Variants in EIF2B3 observed in about 807,000 individuals in gnomAD.
EIF2B3 encodes the protein eukaryotic translation initiation factor 2B subunit gamma, also known as translation initiation factor eIF2B subunit gamma.
Under a neutral mutation model 54.1 loss-of-function variants are expected in EIF2B3, and 20 were observed. The ratio of observed to expected loss-of-function variants is 0.37; its 90% CI spans 0.26 to 0.54. The LOEUF (loss-of-function observed/expected upper bound fraction) is 0.54. EIF2B3 is among the 20% of genes least tolerant of loss of function. The probability of loss-of-function intolerance (pLI) is 0.86; values close to 1 mark genes in which losing one functional copy is unlikely to be tolerated. For missense variants in EIF2B3, 448 were observed against 547.8 expected (o/e 0.82, Z 1.82); for synonymous variants, 153 against 188.1 (o/e 0.81, Z 1.52).
intron 3 of EIF2B3, among the ~76,000 whole-genome samples, chr1:44,946,031 C>T (rs963408862): frequency 2.6e-5 from 4 of 152,176 alleles, no homozygotes; most frequent in African/African-American, 9.6e-5. Flanking sequence ...TCTGTCAGTA[C>T]AGTGAATGCC....
intron 5 of EIF2B3, among the ~76,000 whole-genome samples, chr1:44,921,904 A>T (rs1299946342): frequency 3.3e-5 from 5 of 149,508 alleles, no homozygotes; most frequent in African/African-American, 7.4e-5. Context: ...ATATTTTTTT[A>T]TTTTATTTTA....
intron 3 of EIF2B3, among the ~76,000 whole-genome samples, chr1:44,963,231 CA>C (rs113853826): frequency 1.4e-5 from 2 of 147,266 alleles, no homozygotes; most frequent in Non-Finnish European, 3.0e-5. Context: ...AAAACAAAAA[CA>C]AAAAAAACAA....
At chr1:44,933,333 A>G (rs1383092908) in intron 4 of EIF2B3, among the ~76,000 whole-genome samples, 2 of 152,216 alleles carry the variant, frequency 1.3e-5, no homozygotes, top group African/African-American at 2.4e-5. Flanking sequence ...ATATTAGGAA[A>G]TTGGGCCAAA....
rs1468869784 is a variant in EIF2B3, at chr1:44,877,212, A to C, written c.976-1517T>G. On this transcript the variant is annotated intron_variant, in intron 8 of 11. Coordinates refer to ENST00000360403, the MANE Select transcript of EIF2B3 (RefSeq NM_020365.5). ...ATCAATAAAAAAAAAAAAAAAAAAA[A>C]AAAAAAAAAACACCTTAGGTAGAAC... 4.7e-4 allele frequency among the ~76,000 whole-genome samples: 69 copies of C among 148,156 alleles called. 1 individual carries two copies. Among genetic ancestry groups the C allele is most frequent in the African/African-American group, 1.7e-4 (7 of 40,220 alleles).
chr1:44,984,795 A>ATGTTTTTTTTTTTTTTTTTTTTTT (rs1557718636), intron 1 of EIF2B3, among the ~76,000 whole-genome samples: 1 of 80,470 alleles, frequency 1.2e-5, no homozygotes, highest in Admixed American at 1.3e-4. Flanking sequence ...AATAATGTCC[A>ATGTTTTTTTTTTTTTTTTTTTTTT]TCTTTTTTTT....
Position 44,881,877 on chromosome 1 carries a change from T to G in EIF2B3, c.657-138A>C, listed in dbSNP as rs1045949501. 5.8e-6 allele frequency: 7 copies of G among 1,201,612 alleles called. No homozygotes were observed. Among genetic ancestry groups the G allele is most frequent in the Non-Finnish European group, 7.1e-6 (6 of 841,632 alleles). 74.4% of individuals were successfully genotyped at this position (1,201,612 alleles called of 1,614,324 possible). A position where few individuals can be genotyped will look rare whatever the true frequency, so the allele number is the denominator to read the frequency against. On this transcript the variant is annotated intron_variant, in intron 6 of 11. Transcript: ENST00000360403. This position sits in a 1 kb window ranked among gnomAD's most constrained non-coding sequence, Gnocchi z 4.0. ...GGACTGTCAGAGATCAAATGTGGCA[T>G]TGACTTGGCAGTTCGGAGAAGCAGA... is the stretch of plus-strand genomic sequence containing the variant.
intron 5 of EIF2B3, among the ~76,000 whole-genome samples, chr1:44,908,102 A>G (rs1643449407): frequency 6.6e-6 from 1 of 152,176 alleles, no homozygotes; most frequent in African/African-American, 2.4e-5. Flanking sequence ...CACAAGATTA[A>G]GAAGTCTCAG....
intron 3 of EIF2B3, among the ~76,000 whole-genome samples, chr1:44,958,399 C>T (rs761020914): frequency 6.6e-6 from 1 of 152,124 alleles, no homozygotes; most frequent in Non-Finnish European, 1.5e-5. Flanking sequence ...TCATGTGATG[C>T]CAGAGAAGTA....
At chr1:44,935,045 A>C (rs533936976) in intron 4 of EIF2B3, among the ~76,000 whole-genome samples, 1 of 152,252 alleles carries the variant, frequency 6.6e-6, no homozygotes, top group Admixed American at 6.5e-5. Flanking sequence ...GAAGTACATT[A>C]ACATGTACTG....
intron 3 of EIF2B3, among the ~76,000 whole-genome samples, chr1:44,956,157 T>A (rs264007): frequency 0.19 from 28,612 of 152,112 alleles, 2,855 homozygotes; most frequent in African/African-American, 0.23. Context: ...AATGTGGCAC[T>A]TATACACCAT....
chr1:44,934,402 A>C (rs1643924647), intron 4 of EIF2B3, among the ~76,000 whole-genome samples: 1 of 110,960 alleles, frequency 9.0e-6, no homozygotes, highest in South Asian at 3.0e-4. Context: ...TGTCTCAAAA[A>C]ACAAAACAAA....
chr1:44,902,702 C>T (rs1281191844), intron 5 of EIF2B3, among the ~76,000 whole-genome samples: 2 of 151,472 alleles, frequency 1.3e-5, no homozygotes, highest in Non-Finnish European at 2.9e-5. Flanking sequence ...GTGGCATGTG[C>T]CTGTGGTCCC....
Position 44,952,297 on chromosome 1 carries a change from G to A in EIF2B3, c.295-10632C>T, listed in dbSNP as rs180894683. Among the ~76,000 whole-genome samples, 1,121 of 149,010 alleles carry A rather than the reference G, an allele frequency of 7.5e-3. 23 individuals carry two copies. The highest frequency in any genetic ancestry group is 0.027 in the African/African-American group (1,060 of 39,920). ...GCATTTTTAGTAGAGATGGGGTTTCGCCATTTTGGCCAGGCTGGTCTTGAA... is the reference window on the plus strand; with the variant it reads ...GCATTTTTAGTAGAGATGGGGTTTCACCATTTTGGCCAGGCTGGTCTTGAA... On this transcript the variant is annotated intron_variant, in intron 3 of 11. Coordinates refer to ENST00000360403, the MANE Select transcript of EIF2B3 (RefSeq NM_020365.5).
chr1:44,907,890 CAAAAA>C (rs71587071), intron 5 of EIF2B3, among the ~76,000 whole-genome samples: 4 of 47,098 alleles, frequency 8.5e-5, no homozygotes, highest in African/African-American at 2.1e-4. Flanking sequence ...AACTCCATCT[CAAAAA>C]AAAAAAAAAA....
intron 5 of EIF2B3, among the ~76,000 whole-genome samples, chr1:44,920,219 G>T (rs1281363758): frequency 6.6e-6 from 1 of 151,690 alleles, no homozygotes; most frequent in African/African-American, 2.4e-5. Context: ...AACTCTAGCA[G>T]CTTTCCTTTT....
At chr1:44,899,227 T>A (rs1308160467) in intron 5 of EIF2B3, among the ~76,000 whole-genome samples, 1 of 152,212 alleles carries the variant, frequency 6.6e-6, no homozygotes, top group Non-Finnish European at 1.5e-5. Flanking sequence ...ATTTAATGAT[T>A]TTTAGAAAAT....
At chr1:44,855,493 C>T (rs1339793563) in intron 11 of EIF2B3, among the ~76,000 whole-genome samples, 2 of 152,162 alleles carry the variant, frequency 1.3e-5, no homozygotes, top group African/African-American at 4.8e-5. Flanking sequence ...TGAGCATTTA[C>T]CATAAATCAG....
chr1:44,873,687 C>T (rs1398824231), intron 10 of EIF2B3, among the ~76,000 whole-genome samples: 1 of 151,888 alleles, frequency 6.6e-6, no homozygotes, highest in East Asian at 1.9e-4. Context: ...GTCACCCAGG[C>T]TGGAGTGCAG....
chr1:44,980,925 T>C, intron 2 of EIF2B3, 96 bp downstream of exon 2: 1 of 1,486,486 alleles, frequency 6.7e-7, no homozygotes, highest in Non-Finnish European at 9.4e-7. Flanking sequence ...CAACGAGTTC[T>C]AGTCACCCTC....
Sources: allele counts gnomAD v4.1 joint callset (sites outside exome capture counted in the v4.1 genomes callset), GRCh38; gene constraint gnomAD v4.1.1; non-coding constraint Gnocchi (gnomAD v3.1); transcripts MANE v1.5; gene names NCBI Gene and HGNC (gene_info 2026-07-23, HGNC 2026-07-21).